Variants in MICAL3 observed in about 807,000 individuals in gnomAD.
MICAL3 encodes the protein [F-actin]-monooxygenase MICAL3.
MICAL3 carries 62 observed loss-of-function variants against 207.4 expected under a neutral mutation model. The observed-to-expected ratio is 0.30, with a 90% CI of 0.24 to 0.37. MICAL3 has a LOEUF of 0.37. Ranked by LOEUF, MICAL3 falls within the 10% of genes least tolerant of loss-of-function variation. The pLI is 1.00. For missense variants in MICAL3, 2,368 were observed against 2,635.6 expected, an observed-to-expected ratio of 0.90 and a Z score of 2.22; for synonymous variants, 1,077 against 1,069.3, an observed-to-expected ratio of 1.01 and a Z score of -0.14.
intron 1 of MICAL3, among the ~76,000 whole-genome samples, chr22:17,957,446 C>T (rs994512385): frequency 3.9e-5 from 6 of 152,150 alleles, no homozygotes; most frequent in African/African-American, 7.2e-5. Context: ...AGCCTGGGCT[C>T]GATGGCTCAC....
At chr22:17,928,201 AG>A (rs1295971508) in intron 1 of MICAL3, among the ~76,000 whole-genome samples, 1 of 152,130 alleles carries the variant, frequency 6.6e-6, no homozygotes, top group Non-Finnish European at 1.5e-5. Flanking sequence ...GCACTTTGGG[AG>A]GCCGAGGCGG....
intron 9 of MICAL3, 82 bp from the exon 10 acceptor site, chr22:17,895,492 G>C: frequency 1.3e-6 from 2 of 1,503,628 alleles, no homozygotes; most frequent in Non-Finnish European, 1.8e-6. Context: ...TTCTGACAGC[G>C]CAGCAAGTCA....
Position 17,895,422 on chromosome 22 carries a change from C to G in MICAL3, c.1323-12G>C, listed in dbSNP as rs1266369488. ...TGTAAATACTTTCCCTGCAATAACA[C>G]AACAATATACTCAGAATCGGGACCA... On this transcript the variant is annotated splice_polypyrimidine_tract_variant and intron_variant, in intron 9 of 31. Transcript: ENST00000441493. 1 of 1,613,308 alleles carries G rather than the reference C, an allele frequency of 6.2e-7. No individual in the cohort carries two copies. Among genetic ancestry groups the G allele is most frequent in the South Asian group, 1.1e-5 (1 of 90,956 alleles).
At chr22:17,956,555 G>A (rs1485013025) in intron 1 of MICAL3, among the ~76,000 whole-genome samples, 2 of 152,212 alleles carry the variant, frequency 1.3e-5, no homozygotes, top group Admixed American at 6.5e-5. Context: ...TGTAGTCCCA[G>A]CTACTTGGGA....
In MICAL3 at chr22:17,889,121, C is replaced by G. The variant is rs756598804; in HGVS notation, c.1804G>C (p.Ala602Pro). Residue 602 changes from alanine (A) to proline (P), a missense_variant, in exon 13 of 32, where the codon GCC becomes CCC. Transcript: ENST00000441493. ...ISPIMTGKEM[A>P]SVGEPDKLSM... Reference sequence around the variant, plus strand: ...AGCTTATCAGGCTCCCCCACGGAGGCCATTTCTTTGCCTGTCATGATGGGA... The same window carrying G: ...AGCTTATCAGGCTCCCCCACGGAGGGCATTTCTTTGCCTGTCATGATGGGA... The G allele has an allele frequency of 6.2e-7, 1 of 1,613,816 alleles. No homozygotes were observed. The highest frequency in any genetic ancestry group is 2.2e-5 in the East Asian group (1 of 44,880).
chr22:17,841,923 C>G lies in MICAL3; in HGVS notation c.2700G>C (p.Leu900=). 3.1e-6 allele frequency: 5 copies of G among 1,599,934 alleles called. No homozygotes were observed. Among genetic ancestry groups the G allele is most frequent in the Non-Finnish European group, 4.3e-6 (5 of 1,174,914 alleles). ...CCTCCTGCAGTGCCTCAGCCTGCCT[C>G]AGGGACAGGCGGTAGTTCTCCAGCT... ...RIELENYRLS[L]RQAEALQEVP... is the part of the protein sequence containing the mutation. Residue 900 remains leucine, a synonymous_variant, in exon 20 of 32, where the codon CTG becomes CTC. Coordinates refer to ENST00000441493, the MANE Select transcript of MICAL3 (RefSeq NM_015241.3). The surrounding 1 kb of genome is among the most constrained non-coding windows in gnomAD (Gnocchi z 4.2).
chr22:17,901,801 C>T (rs1309010835), intron 5 of MICAL3, 77 bp downstream of exon 5: 26 of 1,138,886 alleles, frequency 2.3e-5, no homozygotes, highest in Non-Finnish European at 2.6e-5. Flanking sequence ...GCTGGTCACG[C>T]ACAGTCTCGC....
At chr22:17,940,988 C>A (rs151148336) in intron 1 of MICAL3, among the ~76,000 whole-genome samples, 2 of 152,166 alleles carry the variant, frequency 1.3e-5, no homozygotes, top group African/African-American at 4.8e-5. Context: ...ACCAGACACC[C>A]AGTTATGCCT....
chr22:17,826,296 G>A (rs1272447697), intron 22 of MICAL3, among the ~76,000 whole-genome samples: 1 of 152,186 alleles, frequency 6.6e-6, no homozygotes, highest in Non-Finnish European at 1.5e-5. Context: ...ATCCATGCAA[G>A]GGCGGGCTGT....
chr22:17,898,123 T>C lies in MICAL3; in HGVS notation c.949-1142A>G, dbSNP rs1248553743. On this transcript the variant is annotated intron_variant, in intron 7 of 31. Coordinates refer to ENST00000441493, the MANE Select transcript of MICAL3 (RefSeq NM_015241.3). ...CTGCCCTCTTAAAAAAAAAAAAACATGAAGGCAAAGTAAACCAGGTCTCTT... is the reference window on the plus strand; with the variant it reads ...CTGCCCTCTTAAAAAAAAAAAAACACGAAGGCAAAGTAAACCAGGTCTCTT... Among the ~76,000 whole-genome samples the C allele has an allele frequency of 1.0e-4, 15 of 148,240 alleles. No homozygotes were observed. The South Asian group carries it at 2.6e-3, about 25-fold the overall frequency.
chr22:17,801,142 CTTTT>C (rs1252220541), intron 29 of MICAL3, among the ~76,000 whole-genome samples: 3 of 111,590 alleles, frequency 2.7e-5, no homozygotes, highest in African/African-American at 5.3e-5. Flanking sequence ...CCTGAGTTTC[CTTTT>C]TCTTTTTTTT....
chr22:17,889,488 C>T (rs892315927), intron 12 of MICAL3, among the ~76,000 whole-genome samples: 2 of 152,164 alleles, frequency 1.3e-5, no homozygotes, highest in Admixed American at 1.3e-4. Context: ...AAAAACGACT[C>T]TCATTTTTCT....
chr22:17,950,628 C>T (rs1301839532), intron 1 of MICAL3, among the ~76,000 whole-genome samples: 1 of 152,184 alleles, frequency 6.6e-6, no homozygotes, highest in African/African-American at 2.4e-5. Context: ...TGAGCCACTG[C>T]GCCCGGCCAG....
intron 8 of MICAL3, 94 bp downstream of exon 8, chr22:17,896,630 C>CA: frequency 7.5e-7 from 1 of 1,326,432 alleles, no homozygotes; most frequent in Non-Finnish European, 1.0e-6. Context: ...TGCTGTACAA[C>CA]ACTGCAGACG....
chr22:17,974,432 C>T (rs553768249), intron 1 of MICAL3, among the ~76,000 whole-genome samples: 16 of 152,316 alleles, frequency 1.1e-4, no homozygotes, highest in Non-Finnish European at 2.1e-4. Context: ...CTGTGTGAGG[C>T]CAGGTGTGGT....
intron 1 of MICAL3, among the ~76,000 whole-genome samples, chr22:17,954,772 A>C (rs1223459623): frequency 6.7e-6 from 1 of 150,096 alleles, no homozygotes; most frequent in Non-Finnish European, 1.5e-5. Flanking sequence ...TTTGAGACGG[A>C]ATCTCGCTCT....
intron 29 of MICAL3, among the ~76,000 whole-genome samples, chr22:17,802,029 C>T (rs564363975): frequency 2.0e-5 from 3 of 151,814 alleles, no homozygotes; most frequent in East Asian, 1.9e-4. Flanking sequence ...CGCGTTCTGA[C>T]GGCCCCTTCC....
At chr22:18,012,134 C>G (rs570468574) in intron 1 of MICAL3, among the ~76,000 whole-genome samples, 7 of 152,168 alleles carry the variant, frequency 4.6e-5, no homozygotes, top group Admixed American at 3.9e-4. Flanking sequence ...TCTCAGGAGG[C>G]TGAGGCAGAA....
intron 1 of MICAL3, among the ~76,000 whole-genome samples, chr22:17,970,131 T>C (rs997656225): frequency 6.6e-6 from 1 of 152,108 alleles, no homozygotes; most frequent in African/African-American, 2.4e-5. Flanking sequence ...TCTCCCTGAG[T>C]GGGGTCTGTG....
Sources: gnomAD v4.1 joint callset for allele counts (sites outside exome capture counted in the v4.1 genomes callset) on GRCh38, gnomAD v4.1.1 for gene constraint, Gnocchi (gnomAD v3.1) non-coding constraint, MANE v1.5 for transcripts, NCBI Gene and HGNC (gene_info 2026-07-23, HGNC 2026-07-21) for gene names.